Variants in ERC1 observed in about 807,000 individuals in gnomAD.
ERC1 encodes ELKS/RAB6-interacting/CAST family member 1.
A neutral mutation model predicts 132.0 loss-of-function variants in ERC1; 56 were observed. The observed-to-expected ratio is 0.42, with a 90% CI of 0.34 to 0.53. The LOEUF (loss-of-function observed/expected upper bound fraction) is 0.53. ERC1 is among the 20% of genes least tolerant of loss of function. The pLI, the probability that ERC1 is intolerant of heterozygous loss-of-function variation, is 0.03. For synonymous variants in ERC1, 478 were observed against 476.1 expected, an observed-to-expected ratio of 1.00 and a Z score of -0.05; for missense variants, 1,202 against 1,349.9, an observed-to-expected ratio of 0.89 and a Z score of 1.72.
At chr12:1,485,420 G>A (rs1052960000) in intron 18 of ERC1, among the ~76,000 whole-genome samples, 13 of 151,756 alleles carry the variant, frequency 8.6e-5, no homozygotes, top group South Asian at 4.2e-4. Context: ...GGCCAGGCTG[G>A]TCTTGAACTC....
rs975357216 is a variant in ERC1 at position 1,279,788 on chromosome 12, C to T, written c.2620-10064C>T. On this transcript the variant is annotated intron_variant, in intron 14 of 18. Transcript: ENST00000360905. ...TCGGCTCACTGCAACCTCCGCGTCC[C>T]GGGTTCAAGCAATTCTTCTGCCTCA... is the stretch of plus-strand genomic sequence containing the variant. Among the ~76,000 whole-genome samples, 6 of 152,004 alleles carry T rather than the reference C, an allele frequency of 3.9e-5. No individual in the cohort carries two copies. The East Asian group carries it at 7.7e-4, about 20-fold the overall frequency.
intron 12 of ERC1, among the ~76,000 whole-genome samples, chr12:1,224,180 T>G (rs902915819): frequency 6.6e-6 from 1 of 152,216 alleles, no homozygotes; most frequent in Admixed American, 6.5e-5. Flanking sequence ...AGAAAATCAT[T>G]GTGTGTTTTC....
rs116391836 is a variant in ERC1, at chr12:1,463,942, A to T, written c.3213+19192A>T. On this transcript the variant is annotated intron_variant, in intron 18 of 18. Transcript: ENST00000360905. ...GGAATATGGGGAAGGTTGGGCAGACATACCAAAGGTCCGGGGGAAGACAGG... is the reference window on the plus strand; with the variant it reads ...GGAATATGGGGAAGGTTGGGCAGACTTACCAAAGGTCCGGGGGAAGACAGG... Among the ~76,000 whole-genome samples the T allele has an allele frequency of 9.5e-3, 1,452 of 152,242 alleles. 22 individuals are homozygous for T. The highest frequency in any genetic ancestry group is 0.033 in the African/African-American group (1,368 of 41,538).
chr12:1,401,312 T>G (rs1157726556), intron 16 of ERC1, among the ~76,000 whole-genome samples: 1 of 152,098 alleles, frequency 6.6e-6, no homozygotes, highest in Non-Finnish European at 1.5e-5. Flanking sequence ...GAAGTAGCAC[T>G]AATAGTAGCA....
chr12:1,314,390 A>T (rs1210005621), intron 15 of ERC1, among the ~76,000 whole-genome samples: 2 of 152,234 alleles, frequency 1.3e-5, no homozygotes, highest in East Asian at 3.8e-4. Context: ...TAAAAATGTA[A>T]CATAGTAGCA....
chr12:1,415,392 G>T (rs2092066202), intron 17 of ERC1, among the ~76,000 whole-genome samples: 1 of 152,200 alleles, frequency 6.6e-6, no homozygotes, highest in South Asian at 2.1e-4. Flanking sequence ...CTCAAAACAG[G>T]ATTTGGACCA....
At chr12:1,390,028 G>T (rs1474336676) in intron 16 of ERC1, among the ~76,000 whole-genome samples, 3 of 152,172 alleles carry the variant, frequency 2.0e-5, no homozygotes, top group Non-Finnish European at 4.4e-5. Context: ...CACTCATGGG[G>T]TGGGATGGTT....
chr12:1,451,042 ATAGT>A (rs2093415213), intron 18 of ERC1, among the ~76,000 whole-genome samples: 1 of 152,190 alleles, frequency 6.6e-6, no homozygotes, highest in South Asian at 2.1e-4. Flanking sequence ...AGTTCTCTAC[ATAGT>A]TAGATAGTTA....
intron 17 of ERC1, among the ~76,000 whole-genome samples, chr12:1,437,347 G>A (rs774418833): frequency 5.3e-5 from 8 of 152,172 alleles, no homozygotes; most frequent in Non-Finnish European, 8.8e-5. Flanking sequence ...GTCCTCATCT[G>A]TATATACATG....
At chr12:1,470,241 A>C (rs1447819667) in intron 18 of ERC1, among the ~76,000 whole-genome samples, 1 of 151,886 alleles carries the variant, frequency 6.6e-6, no homozygotes, top group African/African-American at 2.4e-5. Context: ...GCAACCCTGG[A>C]CGTAGAGGGT....
intron 2 of ERC1, among the ~76,000 whole-genome samples, chr12:1,046,162 G>T (rs949134279): frequency 1.3e-5 from 2 of 152,154 alleles, no homozygotes; most frequent in African/African-American, 4.8e-5. Context: ...TAGTATTACT[G>T]TTGTTTTATA....
intron 14 of ERC1, among the ~76,000 whole-genome samples, chr12:1,264,988 T>C (rs750597457): frequency 3.9e-5 from 6 of 152,176 alleles, no homozygotes; most frequent in African/African-American, 1.2e-4. Flanking sequence ...ACCAACCTCA[T>C]TGGCAAAGCT....
At chr12:1,447,850 A>G (rs771930417) in intron 18 of ERC1, among the ~76,000 whole-genome samples, 11 of 152,076 alleles carry the variant, frequency 7.2e-5, no homozygotes, top group Non-Finnish European at 1.5e-4. Context: ...GGGTTTCACC[A>G]TGTTGCCCAG....
intron 1 of ERC1, among the ~76,000 whole-genome samples, chr12:1,008,500 C>A (rs1964120382): frequency 6.6e-6 from 1 of 152,024 alleles, no homozygotes; most frequent in African/African-American, 2.4e-5. Flanking sequence ...TGGTCTCGAA[C>A]TCCTGGGCTC....
At chr12:1,456,233 G>T (rs2093530878) in intron 18 of ERC1, among the ~76,000 whole-genome samples, 1 of 152,206 alleles carries the variant, frequency 6.6e-6, no homozygotes, top group Non-Finnish European at 1.5e-5. Context: ...GAAATTTTAT[G>T]TATCGTGATT....
chr12:1,471,953 G>A (rs529680667), intron 18 of ERC1, among the ~76,000 whole-genome samples: 1 of 152,320 alleles, frequency 6.6e-6, no homozygotes, highest in South Asian at 2.1e-4. Flanking sequence ...AGTCTAACCT[G>A]TGTACCTGGC....
intron 15 of ERC1, among the ~76,000 whole-genome samples, chr12:1,298,050 C>T (rs973984451): frequency 6.6e-6 from 1 of 151,982 alleles, no homozygotes; most frequent in Non-Finnish European, 1.5e-5. Flanking sequence ...TCTGTTTGTG[C>T]CACTGCACAC....
At chr12:1,426,134 G>A (rs1175434623) in intron 17 of ERC1, among the ~76,000 whole-genome samples, 2 of 143,974 alleles carry the variant, frequency 1.4e-5, no homozygotes, top group Non-Finnish European at 3.0e-5. Context: ...ATGGAGCTTC[G>A]CTCTTATTGC....
chr12:1,049,670 G>A (rs544570923), intron 2 of ERC1, among the ~76,000 whole-genome samples: 1 of 151,824 alleles, frequency 6.6e-6, no homozygotes, highest in East Asian at 1.9e-4. Context: ...AGTTTGAATG[G>A]ATAGAGGTTG....
Sources: allele counts gnomAD v4.1 joint callset (sites outside exome capture counted in the v4.1 genomes callset), GRCh38; gene constraint gnomAD v4.1.1; transcripts MANE v1.5; gene names NCBI Gene and HGNC (gene_info 2026-07-23, HGNC 2026-07-21).